Variants in PTPRT observed in about 807,000 individuals in gnomAD.
PTPRT encodes protein tyrosine phosphatase receptor type T, also known as receptor-type tyrosine-protein phosphatase T.
A neutral mutation model predicts 176.8 loss-of-function variants in PTPRT; 56 were observed. The observed-to-expected ratio is 0.32, with a 90% CI of 0.26 to 0.40. The LOEUF (loss-of-function observed/expected upper bound fraction) is 0.40, where lower values mean the gene tolerates loss of function less well. Among genes scored for constraint, PTPRT ranks in the 10% least tolerant of loss-of-function variants. The pLI is 1.00. For synonymous variants in PTPRT, 783 were observed against 739.0 expected (o/e 1.06, Z -0.96); for missense variants, 1,540 against 1,908.2 (o/e 0.81, Z 3.60).
intron 2 of PTPRT, among the ~76,000 whole-genome samples, chr20:42,853,570 G>A: frequency 6.6e-6 from 1 of 152,154 alleles, no homozygotes; most frequent in East Asian, 1.9e-4. Context: ...CAAGAAAAGA[G>A]AGAAAAAATG....
At chr20:42,840,233 T>C (rs2078253954) in intron 2 of PTPRT, among the ~76,000 whole-genome samples, 2 of 152,114 alleles carry the variant, frequency 1.3e-5, no homozygotes, top group Admixed American at 6.6e-5. Context: ...CACGTTTTTC[T>C]CCATGTGTGT....
At chr20:42,475,390 A>C (rs1412268382) in intron 7 of PTPRT, among the ~76,000 whole-genome samples, 1 of 152,230 alleles carries the variant, frequency 6.6e-6, no homozygotes, top group Non-Finnish European at 1.5e-5. Context: ...CCTGGGAGGA[A>C]GGCATCACTA....
At chr20:42,885,723 A>C in intron 2 of PTPRT, 84 bp downstream of exon 2, 2 of 1,512,330 alleles carry the variant, frequency 1.3e-6, no homozygotes, top group Non-Finnish European at 1.8e-6. Context: ...AGAGAGCTCA[A>C]TGTGTAAGTA....
chr20:42,291,013 T>C (rs1006344474), intron 12 of PTPRT, among the ~76,000 whole-genome samples: 2 of 152,262 alleles, frequency 1.3e-5, no homozygotes, highest in Non-Finnish European at 2.9e-5. Flanking sequence ...CCTGATCCCA[T>C]AGTTTTCAAA....
rs114852330 is a variant in PTPRT at position 42,353,299 on chromosome 20, C to T, written c.1561-1014G>A. Reference sequence around the variant, plus strand: ...TAGCGATTGCTGACTGGTGCTTTCTCGTGCATTATCTTTTTTGTCTTCCTC... The same window carrying T: ...TAGCGATTGCTGACTGGTGCTTTCTTGTGCATTATCTTTTTTGTCTTCCTC... On this transcript the variant is annotated intron_variant, in intron 9 of 30. Transcript: ENST00000373187. Among the ~76,000 whole-genome samples, 278 of 152,316 alleles carry T rather than the reference C, an allele frequency of 1.8e-3. 2 individuals are homozygous for T. Among genetic ancestry groups the T allele is most frequent in the African/African-American group, 6.4e-3 (266 of 41,578 alleles).
At chr20:42,953,956 C>G (rs1029685488) in intron 1 of PTPRT, among the ~76,000 whole-genome samples, 4 of 152,074 alleles carry the variant, frequency 2.6e-5, no homozygotes, top group Non-Finnish European at 5.9e-5. Flanking sequence ...AGGGAAAAAT[C>G]ACTTGAGATT....
At chr20:42,848,351 T>C (rs902254179) in intron 2 of PTPRT, among the ~76,000 whole-genome samples, 2 of 152,238 alleles carry the variant, frequency 1.3e-5, no homozygotes, top group African/African-American at 4.8e-5. Context: ...AGTAGTGGGA[T>C]TGCTGGATCA....
At chr20:42,422,604 T>C (rs1440720971) in intron 9 of PTPRT, among the ~76,000 whole-genome samples, 2 of 152,198 alleles carry the variant, frequency 1.3e-5, no homozygotes, top group Non-Finnish European at 2.9e-5. Context: ...CTGGTGGCAG[T>C]GTAAGTTAAT....
chr20:42,403,614 T>A (rs2058932051), intron 9 of PTPRT, among the ~76,000 whole-genome samples: 1 of 152,192 alleles, frequency 6.6e-6, no homozygotes, highest in Admixed American at 6.5e-5. Flanking sequence ...AATTGCTCCC[T>A]TTAAAATGCA....
At chr20:42,464,093 T>C (rs2071065588) in intron 8 of PTPRT, among the ~76,000 whole-genome samples, 1 of 151,918 alleles carries the variant, frequency 6.6e-6, no homozygotes, top group Non-Finnish European at 1.5e-5. Context: ...AACTTGGAGG[T>C]GGGAAGAGAT....
intron 2 of PTPRT, among the ~76,000 whole-genome samples, chr20:42,853,825 G>T (rs1406871469): frequency 1.3e-5 from 2 of 152,178 alleles, no homozygotes; most frequent in African/African-American, 4.8e-5. Context: ...TGCATGCCAG[G>T]ATTGCGCCAG....
intron 2 of PTPRT, among the ~76,000 whole-genome samples, chr20:42,862,816 C>T (rs1053496970): frequency 2.6e-5 from 4 of 152,152 alleles, no homozygotes; most frequent in African/African-American, 4.8e-5. Flanking sequence ...AGTTATAATC[C>T]ACCCTCTTAG....
chr20:42,034,767 T>G, the PTPRT span, among the ~76,000 whole-genome samples: 2 of 152,212 alleles, frequency 1.3e-5, no homozygotes, highest in African/African-American at 4.8e-5. Flanking sequence ...TTTTTTGTTA[T>G]GCTGACACAT....
intron 7 of PTPRT, among the ~76,000 whole-genome samples, chr20:42,577,398 T>G (rs142404563): frequency 1.6e-3 from 242 of 152,250 alleles, no homozygotes; most frequent in African/African-American, 4.5e-3. Context: ...CAGGCTGTGC[T>G]GCAGGCTCTT....
chr20:42,843,290 C>G (rs1600459697), intron 2 of PTPRT, among the ~76,000 whole-genome samples: 1 of 152,224 alleles, frequency 6.6e-6, no homozygotes, highest in East Asian at 1.9e-4. Flanking sequence ...TCATGCCACA[C>G]CCGGCCTTCG....
chr20:42,539,714 T>G (rs930984327), intron 7 of PTPRT, among the ~76,000 whole-genome samples: 2 of 148,928 alleles, frequency 1.3e-5, no homozygotes, highest in African/African-American at 2.5e-5. Flanking sequence ...CAGACCATAT[T>G]GCAAAACTGT....
chr20:42,605,319 A>C (rs554159628), intron 7 of PTPRT, among the ~76,000 whole-genome samples: 4 of 140,378 alleles, frequency 2.8e-5, no homozygotes, highest in Non-Finnish European at 6.0e-5. Context: ...AGGGGCAGGC[A>C]AAGAGATTCA....
At chr20:42,568,417 G>C (rs914709821) in intron 7 of PTPRT, among the ~76,000 whole-genome samples, 1 of 152,080 alleles carries the variant, frequency 6.6e-6, no homozygotes, top group African/African-American at 2.4e-5. Context: ...GAGGAGCAGA[G>C]AGAACAAGTG....
At chr20:42,106,510 T>C (rs989457599) in intron 24 of PTPRT, among the ~76,000 whole-genome samples, 7 of 152,186 alleles carry the variant, frequency 4.6e-5, no homozygotes, top group African/African-American at 1.7e-4. Flanking sequence ...AAATTTGTCA[T>C]TCTGTCCCTG....
Sources: allele counts gnomAD v4.1 joint callset (sites outside exome capture counted in the v4.1 genomes callset), GRCh38; gene constraint gnomAD v4.1.1; transcripts MANE v1.5; gene names NCBI Gene and HGNC (gene_info 2026-07-23, HGNC 2026-07-21).